The following LRP1B variants were observed in gnomAD, a reference collection of about 807,000 sequenced individuals.
LRP1B encodes the protein LDL receptor related protein 1B.
A neutral mutation model predicts 556.6 loss-of-function variants in LRP1B; 217 were observed. That is an observed-to-expected ratio of 0.39 (90% confidence interval 0.35 to 0.44). The LOEUF is 0.44. Among genes scored for constraint, LRP1B ranks in the 20% least tolerant of loss-of-function variants. LRP1B has a pLI of 1.00. For synonymous variants in LRP1B, 2,047 were observed against 1,865.8 expected (o/e 1.10, Z -2.50); for missense variants, 5,053 against 5,620.8 (o/e 0.90, Z 3.23).
At chr2:140,855,325 GTT>G in intron 27 of LRP1B, among the ~76,000 whole-genome samples, 1 of 352 alleles carries the variant, frequency 2.8e-3, no homozygotes, top group Admixed American at 0.036. Flanking sequence ...ATTACATACA[GTT>G]GTTGTCTTTG....
intron 2 of LRP1B, among the ~76,000 whole-genome samples, chr2:141,571,794 C>G (rs10194556): frequency 0.074 from 11,223 of 151,932 alleles, 499 homozygotes; most frequent in Non-Finnish European, 0.099. Context: ...ACACAGGTAT[C>G]AACAGCCAAA....
At chr2:141,189,065 G>T (rs1323185578) in intron 6 of LRP1B, among the ~76,000 whole-genome samples, 1 of 151,874 alleles carries the variant, frequency 6.6e-6, no homozygotes, top group African/African-American at 2.4e-5. Context: ...AGATTCCTTT[G>T]TTTGAAAAAA....
At chr2:141,700,215 C>T (rs540826364) in intron 2 of LRP1B, among the ~76,000 whole-genome samples, 11 of 151,786 alleles carry the variant, frequency 7.2e-5, no homozygotes, top group South Asian at 4.2e-4. Context: ...AAGATACCTT[C>T]GACATTATTG....
At chr2:140,453,488 A>G (rs1202327523) in intron 62 of LRP1B, among the ~76,000 whole-genome samples, 2 of 152,036 alleles carry the variant, frequency 1.3e-5, no homozygotes, top group Non-Finnish European at 2.9e-5. Context: ...TCATCATAAA[A>G]TAAACTGTAG....
chr2:141,834,492 G>A (rs990855908), intron 1 of LRP1B, among the ~76,000 whole-genome samples: 6 of 151,888 alleles, frequency 4.0e-5, no homozygotes, highest in Non-Finnish European at 7.4e-5. Flanking sequence ...TTCTGGTGCA[G>A]GTGTTTTTCT....
intron 5 of LRP1B, among the ~76,000 whole-genome samples, chr2:141,233,195 G>A (rs1292933319): frequency 6.6e-6 from 1 of 152,174 alleles, no homozygotes; most frequent in Non-Finnish European, 1.5e-5. Context: ...TTAGTGAGAG[G>A]TAATGAACAT....
intron 2 of LRP1B, among the ~76,000 whole-genome samples, chr2:141,663,929 A>AC (rs1481799195): frequency 1.3e-5 from 2 of 151,654 alleles, no homozygotes; most frequent in South Asian, 2.1e-4. Context: ...TCAAAAAAAA[A>AC]AAAAAAACAA....
chr2:141,011,532 T>G (rs1003776237), intron 14 of LRP1B, among the ~76,000 whole-genome samples: 3 of 152,050 alleles, frequency 2.0e-5, no homozygotes, highest in African/African-American at 7.2e-5. Flanking sequence ...AAACATATAG[T>G]TAAGTACTAG....
At chr2:141,040,646 T>A (rs552322333) in intron 11 of LRP1B, among the ~76,000 whole-genome samples, 9 of 152,022 alleles carry the variant, frequency 5.9e-5, no homozygotes, top group Non-Finnish European at 1.0e-4. Flanking sequence ...TGTATGTGTG[T>A]GTCTGTGTGT....
intron 43 of LRP1B, among the ~76,000 whole-genome samples, chr2:140,561,873 T>C (rs1680943889): frequency 6.6e-6 from 1 of 152,022 alleles, no homozygotes. Context: ...AATTTAACAC[T>C]ATATAAAAAA....
chr2:142,102,339 C>T (rs941224688), intron 1 of LRP1B, among the ~76,000 whole-genome samples: 8 of 151,576 alleles, frequency 5.3e-5, no homozygotes, highest in East Asian at 1.9e-4. Context: ...GAAAACATGA[C>T]GATTCCTCTA....
chr2:141,340,879 T>TA (rs1388146572), intron 3 of LRP1B, among the ~76,000 whole-genome samples: 3 of 152,126 alleles, frequency 2.0e-5, no homozygotes, highest in Non-Finnish European at 4.4e-5. Flanking sequence ...TCAGGAACTT[T>TA]AAAAAATTAC....
intron 2 of LRP1B, among the ~76,000 whole-genome samples, chr2:141,521,146 A>G (rs933448901): frequency 6.6e-6 from 1 of 152,158 alleles, no homozygotes; most frequent in Admixed American, 6.6e-5. Flanking sequence ...GGTTGGGGAT[A>G]TTATCAGAAT....
chr2:142,040,811 T>A (rs991106476), intron 1 of LRP1B, among the ~76,000 whole-genome samples: 12 of 148,584 alleles, frequency 8.1e-5, no homozygotes, highest in Non-Finnish European at 1.5e-4. Flanking sequence ...GGTAAACCTA[T>A]TTTTTTTTTC....
chr2:140,593,167 G>C (rs1490991649), intron 43 of LRP1B, among the ~76,000 whole-genome samples: 1 of 152,092 alleles, frequency 6.6e-6, no homozygotes, highest in East Asian at 1.9e-4. Context: ...CTAAAGAAAA[G>C]TCATAAGATT....
At chr2:140,704,066 A>G (rs993262397) in intron 37 of LRP1B, among the ~76,000 whole-genome samples, 41 of 152,234 alleles carry the variant, frequency 2.7e-4, no homozygotes, top group Admixed American at 1.6e-3. Context: ...AGTTCCTTGT[A>G]AAATCTCCAA....
intron 2 of LRP1B, among the ~76,000 whole-genome samples, chr2:141,715,321 A>C (rs973414377): frequency 6.6e-6 from 1 of 151,788 alleles, no homozygotes; most frequent in African/African-American, 2.4e-5. Flanking sequence ...AAGTCAAAAA[A>C]TCAGCCTGAT....
chr2:141,835,001 A>G (rs1476093855), intron 1 of LRP1B, among the ~76,000 whole-genome samples: 1 of 151,966 alleles, frequency 6.6e-6, no homozygotes, highest in African/African-American at 2.4e-5. Flanking sequence ...ATAAAGATCA[A>G]TTGATATTGT....
chr2:141,207,442 T>C (rs1370896533), intron 6 of LRP1B, among the ~76,000 whole-genome samples: 1 of 152,238 alleles, frequency 6.6e-6, no homozygotes, highest in African/African-American at 2.4e-5. Flanking sequence ...TGAATTATTC[T>C]TACTGGTTCA....
Sources: gnomAD v4.1 joint callset for allele counts (sites outside exome capture counted in the v4.1 genomes callset) on GRCh38, gnomAD v4.1.1 for gene constraint, MANE v1.5 for transcripts, NCBI Gene and HGNC (gene_info 2026-07-23, HGNC 2026-07-21) for gene names.